The following CADPS variants were observed in gnomAD, a reference collection of about 807,000 sequenced individuals.
The protein encoded by CADPS is calcium-dependent secretion activator 1.
In CADPS, 57 loss-of-function variants were observed where a neutral mutation model predicts 167.3. The ratio of observed to expected loss-of-function variants is 0.34; its 90% CI spans 0.28 to 0.42. The LOEUF is 0.42. Among genes scored for constraint, CADPS ranks in the 20% least tolerant of loss-of-function variants. CADPS has a pLI of 1.00. For synonymous variants in CADPS, 676 were observed against 635.3 expected, an observed-to-expected ratio of 1.06 and a Z score of -0.96; for missense variants, 1,414 against 1,738.1, an observed-to-expected ratio of 0.81 and a Z score of 3.32.
intron 3 of CADPS, among the ~76,000 whole-genome samples, chr3:62,737,578 C>T (rs1297277079): frequency 1.3e-5 from 2 of 152,302 alleles, no homozygotes; most frequent in Admixed American, 1.3e-4. Context: ...CTGTCAGTCT[C>T]TCACTCGTAA....
At chr3:62,675,085 C>G (rs1241574929) in intron 3 of CADPS, among the ~76,000 whole-genome samples, 3 of 152,076 alleles carry the variant, frequency 2.0e-5, no homozygotes, top group African/African-American at 4.8e-5. Flanking sequence ...ATGGGGGACT[C>G]TCTTCCACAG....
At chr3:62,718,062 A>G (rs553655102) in intron 3 of CADPS, among the ~76,000 whole-genome samples, 7 of 152,238 alleles carry the variant, frequency 4.6e-5, no homozygotes, top group African/African-American at 1.7e-4. Context: ...ACTCTAGCTA[A>G]AGAAATCACT....
intron 7 of CADPS, among the ~76,000 whole-genome samples, chr3:62,592,208 T>A (rs1329048677): frequency 1.3e-5 from 2 of 152,210 alleles, no homozygotes; most frequent in African/African-American, 2.4e-5. Context: ...TCTTTGAGTA[T>A]GTACATTTTG....
At chr3:62,759,175 C>G (rs187923083) in intron 2 of CADPS, among the ~76,000 whole-genome samples, 38 of 152,234 alleles carry the variant, frequency 2.5e-4, no homozygotes, top group African/African-American at 8.7e-4. Context: ...GCTTTGCCAC[C>G]TGAGCAAGTT....
chr3:62,846,820 C>T (rs116639716), intron 1 of CADPS, among the ~76,000 whole-genome samples: 2,427 of 152,092 alleles, frequency 0.016, 62 homozygotes, highest in African/African-American at 0.055. Context: ...ACTGCCACCA[C>T]GCCTCTACTA....
intron 17 of CADPS, among the ~76,000 whole-genome samples, chr3:62,503,562 G>C (rs1020371437): frequency 6.6e-6 from 1 of 152,198 alleles, no homozygotes; most frequent in Admixed American, 6.5e-5. Context: ...TGCTCCCTTT[G>C]TGGAATTTCA....
intron 3 of CADPS, among the ~76,000 whole-genome samples, chr3:62,746,647 T>C (rs1302570839): frequency 6.6e-6 from 1 of 152,164 alleles, no homozygotes; most frequent in Non-Finnish European, 1.5e-5. Context: ...CAGGTGATCC[T>C]TTTAACAGTG....
At chr3:62,573,380 T>C (rs1487698176) in intron 8 of CADPS, among the ~76,000 whole-genome samples, 1 of 152,198 alleles carries the variant, frequency 6.6e-6, no homozygotes, top group African/African-American at 2.4e-5. Flanking sequence ...AACTTGTGGA[T>C]GGGGAAGGCC....
chr3:62,575,146 A>G (rs1327158383), intron 8 of CADPS, among the ~76,000 whole-genome samples: 1 of 152,252 alleles, frequency 6.6e-6, no homozygotes. Context: ...TATAGCTACA[A>G]TATCTATTGT....
At chr3:62,559,954 C>G (rs1281730663) in intron 9 of CADPS, among the ~76,000 whole-genome samples, 1 of 151,332 alleles carries the variant, frequency 6.6e-6, no homozygotes, top group African/African-American at 2.4e-5. Flanking sequence ...TTTACTATTA[C>G]TACATGGTTT....
chr3:62,401,439 G>T (rs1706082587), intron 29 of CADPS, among the ~76,000 whole-genome samples: 1 of 152,298 alleles, frequency 6.6e-6, no homozygotes, highest in South Asian at 2.1e-4. Flanking sequence ...TATACAAGTA[G>T]AGGCCCACCT....
At chr3:62,756,267 A>G (rs2083882906) in intron 2 of CADPS, among the ~76,000 whole-genome samples, 1 of 152,066 alleles carries the variant, frequency 6.6e-6, no homozygotes. Flanking sequence ...GGGTTTCTCC[A>G]TGTAGGCCAG....
At chr3:62,741,309 G>A (rs972031702) in intron 3 of CADPS, among the ~76,000 whole-genome samples, 7 of 152,066 alleles carry the variant, frequency 4.6e-5, no homozygotes, top group African/African-American at 1.7e-4. Flanking sequence ...AAACCTAGCA[G>A]AGATGTAGCA....
intron 6 of CADPS, 70 bp from the exon 7 acceptor site, chr3:62,592,818 C>T (rs2086355270): frequency 8.5e-7 from 1 of 1,173,438 alleles, no homozygotes; most frequent in African/African-American, 1.5e-5. Flanking sequence ...TCCATTGTTC[C>T]CAGGTCAGGT....
At chr3:62,551,381 C>T (rs894491385) in intron 10 of CADPS, among the ~76,000 whole-genome samples, 24 of 152,210 alleles carry the variant, frequency 1.6e-4, no homozygotes, top group Non-Finnish European at 2.8e-4. Context: ...AATTTGATCA[C>T]TTCTTCCATC....
At chr3:62,860,725 A>G (rs891540429) in intron 1 of CADPS, among the ~76,000 whole-genome samples, 1 of 152,186 alleles carries the variant, frequency 6.6e-6, no homozygotes, top group Admixed American at 6.5e-5. Flanking sequence ...AGATGGTACC[A>G]AAGAATGTGC....
At chr3:62,718,181 C>T (rs2085056339) in intron 3 of CADPS, among the ~76,000 whole-genome samples, 1 of 152,138 alleles carries the variant, frequency 6.6e-6, no homozygotes, top group Admixed American at 6.5e-5. Context: ...TCTGTGCTTT[C>T]TTAGCAGAAT....
intron 1 of CADPS, among the ~76,000 whole-genome samples, chr3:62,776,378 G>A (rs1043528409): frequency 2.0e-5 from 3 of 152,328 alleles, no homozygotes; most frequent in Admixed American, 1.3e-4. Flanking sequence ...GAATTGGCCG[G>A]GCACGGTGGC....
At chr3:62,691,284 C>T (rs7621075) in intron 3 of CADPS, among the ~76,000 whole-genome samples, 1 of 151,862 alleles carries the variant, frequency 6.6e-6, no homozygotes, top group Non-Finnish European at 1.5e-5. Flanking sequence ...CTACAGAACC[C>T]TAATGTAAAC....
Sources: gnomAD v4.1 joint callset for allele counts (sites outside exome capture counted in the v4.1 genomes callset) on GRCh38, gnomAD v4.1.1 for gene constraint, MANE v1.5 for transcripts, NCBI Gene and HGNC (gene_info 2026-07-23, HGNC 2026-07-21) for gene names.